Variants in CDCA8 observed in about 807,000 individuals in gnomAD.
CDCA8 encodes the protein cell division cycle associated 8, also known as borealin.
Under a neutral mutation model 40.0 loss-of-function variants are expected in CDCA8, and 25 were observed. The ratio of observed to expected loss-of-function variants is 0.63; its 90% CI spans 0.46 to 0.87. The LOEUF (loss-of-function observed/expected upper bound fraction) is 0.87. Among genes scored for constraint, CDCA8 ranks in the 40% least tolerant of loss-of-function variants. The probability of loss-of-function intolerance (pLI) is 0.00; values close to 1 mark genes in which losing one functional copy is unlikely to be tolerated. For synonymous variants in CDCA8, 111 were observed against 126.5 expected (o/e 0.88, Z 0.82); for missense variants, 280 against 348.4 (o/e 0.80, Z 1.56).
chr1:37,704,134 C>T (rs570730390), intron 7 of CDCA8, among the ~76,000 whole-genome samples: 36 of 152,020 alleles, frequency 2.4e-4, no homozygotes, highest in African/African-American at 8.7e-4. Context: ...GGGATTTCGC[C>T]AGGTTGCCCA....
chr1:37,698,101 T>A (rs1322251425), intron 3 of CDCA8, among the ~76,000 whole-genome samples: 1 of 152,206 alleles, frequency 6.6e-6, no homozygotes, highest in Non-Finnish European at 1.5e-5. Context: ...AAAACCTTAT[T>A]GAGACCCTGT....
intron 3 of CDCA8, among the ~76,000 whole-genome samples, chr1:37,698,214 T>C (rs1000307898): frequency 5.9e-5 from 9 of 152,204 alleles, no homozygotes; most frequent in Non-Finnish European, 1.3e-4. Flanking sequence ...TAGTCAAGGG[T>C]AACCACTTTG....
Position 37,706,861 on chromosome 1 carries a change from T to C in CDCA8, c.712-117T>C, listed in dbSNP as rs1188954699. 3 of 724,228 alleles carry C rather than the reference T, an allele frequency of 4.1e-6. No homozygotes were observed. In the African/African-American group the frequency reaches 5.2e-5, roughly 13 times the overall value. The allele number at this position is 724,228 out of a possible 1,614,324, so 44.9% of individuals were successfully genotyped here. A position where few individuals can be genotyped will look rare whatever the true frequency, so the allele number is the denominator to read the frequency against. ...TTAGAGCTAATATCCTTCCTGCCTG[T>C]CTTGCCACTTCTCCATCCCAGCCAT... On this transcript the variant is annotated intron_variant, in intron 8 of 9. Transcript: ENST00000373055.
At chr1:37,693,075 C>G in intron 2 of CDCA8, 42 bp downstream of exon 2, 1 of 1,603,720 alleles carries the variant, frequency 6.2e-7, no homozygotes, top group East Asian at 2.2e-5. Context: ...CCAGGAGCCC[C>G]TTGGGGTTAG....
chr1:37,695,872 G>C (rs933163932), intron 2 of CDCA8, 38 bp from the exon 3 acceptor site: 2 of 1,594,714 alleles, frequency 1.3e-6, no homozygotes, highest in African/African-American at 2.7e-5. Flanking sequence ...ATGATTTATT[G>C]TTAAAATGTA....
intron 5 of CDCA8, among the ~76,000 whole-genome samples, chr1:37,701,042 G>A (rs1645559640): frequency 6.6e-6 from 1 of 152,186 alleles, no homozygotes; most frequent in African/African-American, 2.4e-5. Context: ...GGGGGTGGTG[G>A]AGCACATGCC....
At chr1:37,708,291 T>A in intron 9 of CDCA8, 31 bp from the exon 10 acceptor site, 3 of 1,608,944 alleles carry the variant, frequency 1.9e-6, no homozygotes, top group Non-Finnish European at 2.5e-6. Flanking sequence ...AGTGACATCT[T>A]CTACAATGAC....
At position 37,692,673 on chromosome 1, in the gene CDCA8, C is replaced by T. The variant is rs11558853; in HGVS notation, c.-18C>T. 2,927 of 1,605,096 alleles carry T rather than the reference C, an allele frequency of 1.8e-3. 54 individuals are homozygous for T. In the African/African-American group the frequency reaches 0.034, roughly 19 times the overall value. On this transcript the variant is annotated 5_prime_UTR_variant, in exon 1 of 10. Transcript: ENST00000373055. ...CCTGCCCCATCTCCGCCGCTCCCCG[C>T]AGCCTCCGCCGAGCGCCATGGCTCC...
At chr1:37,705,116 A>G (rs993017272) in intron 7 of CDCA8, among the ~76,000 whole-genome samples, 1 of 152,212 alleles carries the variant, frequency 6.6e-6, no homozygotes, top group Non-Finnish European at 1.5e-5. Flanking sequence ...GGAAGCAGCC[A>G]CGCCTGGAAA....
chr1:37,699,069 C>A, intron 4 of CDCA8, 92 bp downstream of exon 4: 1 of 810,020 alleles, frequency 1.2e-6, no homozygotes, highest in African/African-American at 1.7e-5. Context: ...TTGGTAGAGC[C>A]TCTTCCCTTT....
intron 5 of CDCA8, 132 bp from the exon 6 acceptor site, chr1:37,701,622 T>C (rs1173732485): frequency 1.8e-6 from 1 of 565,172 alleles, no homozygotes; most frequent in Non-Finnish European, 3.1e-6. Context: ...AATTCTGAGA[T>C]ACACCTTATT....
intron 5 of CDCA8, 106 bp downstream of exon 5, chr1:37,700,627 A>G: frequency 1.4e-6 from 1 of 724,776 alleles, no homozygotes; most frequent in East Asian, 2.5e-5. Context: ...AGTAGAGATG[A>G]TCCTACTTTA....
At chr1:37,697,071 TGA>T (rs1270355764) in intron 3 of CDCA8, among the ~76,000 whole-genome samples, 1 of 152,218 alleles carries the variant, frequency 6.6e-6, no homozygotes, top group Non-Finnish European at 1.5e-5. Context: ...TAATGTAATA[TGA>T]GAGAGCCATT....
At chr1:37,700,554 T>G (rs1645557180) in intron 5 of CDCA8, 33 bp downstream of exon 5, 1 of 1,294,376 alleles carries the variant, frequency 7.7e-7, no homozygotes, top group African/African-American at 1.5e-5. Flanking sequence ...GGCTGGGGGT[T>G]ATCACAAGAC....
At chr1:37,693,974 C>A (rs1645505906) in intron 2 of CDCA8, among the ~76,000 whole-genome samples, 1 of 152,112 alleles carries the variant, frequency 6.6e-6, no homozygotes, top group Non-Finnish European at 1.5e-5. Context: ...CCTGTCTCTA[C>A]TAAAAATACA....
rs1557520773 is a variant in CDCA8 at position 37,709,290 on chromosome 1, CTT to C, written c.*925_*926del. 1 of 152,240 alleles carries C rather than the reference CTT, an allele frequency of 6.6e-6. No individual in the cohort carries two copies. The highest frequency in any genetic ancestry group is 1.5e-5 in the Non-Finnish European group (1 of 68,074). 9.4% of individuals were successfully genotyped at this position (152,240 alleles called of 1,614,324 possible). A position where few individuals can be genotyped will look rare whatever the true frequency, so the allele number is the denominator to read the frequency against. On this transcript the variant is annotated 3_prime_UTR_variant, in exon 10 of 10. Transcript: ENST00000373055. Reference sequence around the variant, plus strand: ...TGTAGACTTCAGAGAGCACTTCTCTCTTATGGGGTTCATGGGAACAGGGGTGG... The same window carrying C: ...TGTAGACTTCAGAGAGCACTTCTCTCATGGGGTTCATGGGAACAGGGGTGG...
chr1:37,704,636 CTTTTTTTTT>C lies in CDCA8; in HGVS notation c.585-784_585-776del, dbSNP rs145718694. 3.6e-4 allele frequency among the ~76,000 whole-genome samples: 31 copies of C among 86,476 alleles called. No homozygotes were observed. In the South Asian group the frequency reaches 4.2e-3, roughly 12 times the overall value. The allele number at this position is 86,476 out of a possible 152,430, so 56.7% of individuals were successfully genotyped here. A position where few individuals can be genotyped will look rare whatever the true frequency, so the allele number is the denominator to read the frequency against. On this transcript the variant is annotated intron_variant, in intron 7 of 9. Transcript: ENST00000373055. The stretch of plus-strand genomic sequence containing the variant: ...ATTTATTTTCTACTTTTAATTGCCA[CTTTTTTTTT>C]TTTTTTTTTTTTTTTTTTTTGAGAC...
At chr1:37,697,942 T>G (rs1645538643) in intron 3 of CDCA8, among the ~76,000 whole-genome samples, 1 of 152,208 alleles carries the variant, frequency 6.6e-6, no homozygotes, top group South Asian at 2.1e-4. Context: ...AAACCTGTAG[T>G]AATTATTCTG....
rs757809696 is a variant in CDCA8 at position 37,705,600 on chromosome 1, T to G, written c.711+33T>G. 2.5e-6 allele frequency: 4 copies of G among 1,607,758 alleles called. No homozygotes were observed. The Admixed American group carries it at 5.0e-5, about 20-fold the overall frequency. On this transcript the variant is annotated intron_variant, in intron 8 of 9. Transcript: ENST00000373055. The stretch of plus-strand genomic sequence containing the variant: ...ATTTCCAAGGGAAGCCAGGCCACAG[T>G]GTGCTGCTTAGTCAAGCATTTCTTT...
Sources: gnomAD v4.1 joint callset for allele counts (sites outside exome capture counted in the v4.1 genomes callset) on GRCh38, gnomAD v4.1.1 for gene constraint, MANE v1.5 for transcripts, NCBI Gene and HGNC (gene_info 2026-07-23, HGNC 2026-07-21) for gene names.